CCT8: variants seen among roughly 807,000 people sequenced by gnomAD.
CCT8 encodes the protein chaperonin containing TCP1 subunit 8, also known as T-complex protein 1 subunit theta.
In CCT8, 10 loss-of-function variants were observed where a neutral mutation model predicts 65.7. That is an observed-to-expected ratio of 0.15 (90% CI 0.09 to 0.26). The LOEUF (loss-of-function observed/expected upper bound fraction) is 0.26, where lower values mean the gene tolerates loss of function less well. Among genes scored for constraint, CCT8 ranks in the 10% least tolerant of loss-of-function variants. CCT8 has a pLI of 1.00. For missense variants in CCT8, 568 were observed against 669.1 expected (o/e 0.85, Z 1.67); for synonymous variants, 199 against 221.8 (o/e 0.90, Z 0.92).
rs2085497905 is a variant in CCT8 at position 29,056,339 on chromosome 21, A to G, written c.*136T>C. 2 of 472,774 alleles carry G rather than the reference A, an allele frequency of 4.2e-6. No individual in the cohort carries two copies. Among genetic ancestry groups the G allele is most frequent in the East Asian group, 3.4e-5 (1 of 29,400 alleles). The allele number at this position is 472,774 out of a possible 1,614,324, so 29.3% of individuals were successfully genotyped here. On this transcript the variant is annotated 3_prime_UTR_variant, in exon 15 of 15. Transcript: ENST00000286788. The stretch of plus-strand genomic sequence containing the variant: ...AGACAATAAGGCTTTGACAGTAACA[A>G]TATGTTTATTATAACATCCAGCCAA...
chr21:29,060,466 C>G (rs2085550673), intron 14 of CCT8, 75 bp downstream of exon 14: 1 of 1,451,880 alleles, frequency 6.9e-7, no homozygotes, highest in Non-Finnish European at 9.6e-7. Context: ...ATGCTATGTT[C>G]TAGTTCTGGG....
At chr21:29,071,410 G>C (rs1294048589) in intron 1 of CCT8, among the ~76,000 whole-genome samples, 1 of 151,834 alleles carries the variant, frequency 6.6e-6, no homozygotes, top group Non-Finnish European at 1.5e-5. Context: ...GAGAGAGAGA[G>C]TCTCCTCTAT....
At chr21:29,070,442 G>A (rs1164161386) in intron 1 of CCT8, 105 bp from the exon 2 acceptor site, 3 of 613,184 alleles carry the variant, frequency 4.9e-6, no homozygotes, top group Admixed American at 6.6e-5. Flanking sequence ...TAATAAAGAG[G>A]GAGCATAGCT....
intron 14 of CCT8, among the ~76,000 whole-genome samples, chr21:29,057,443 G>T (rs899187909): frequency 6.6e-6 from 1 of 151,452 alleles, no homozygotes; most frequent in African/African-American, 2.4e-5. Flanking sequence ...GGGATTATAG[G>T]TGTGAGCCAC....
intron 1 of CCT8, chr21:29,072,296 AG>A (rs1202788930): frequency 8.6e-6 from 2 of 231,240 alleles, no homozygotes; most frequent in African/African-American, 4.5e-5. Context: ...TTTCTGCCTT[AG>A]AAGGACATAA....
At chr21:29,072,324 G>T (rs1381357561) in intron 1 of CCT8, 1 of 184,372 alleles carries the variant, frequency 5.4e-6, no homozygotes, top group Non-Finnish European at 1.1e-5. Context: ...CGACAAATGG[G>T]ACTTTTGTCT....
In CCT8 at chr21:29,064,409, T is replaced by TAAAAAAAAAAAAAAAAAAAAAAAAA. The variant is rs34760776; in HGVS notation, c.762+534_762+558dup. Among the ~76,000 whole-genome samples, 132 of 26,746 alleles carry TAAAAAAAAAAAAAAAAAAAAAAAAA rather than the reference T, an allele frequency of 4.9e-3. 5 individuals are homozygous for TAAAAAAAAAAAAAAAAAAAAAAAAA. Among genetic ancestry groups the TAAAAAAAAAAAAAAAAAAAAAAAAA allele is most frequent in the East Asian group, 7.0e-3 (5 of 710 alleles). The allele number at this position is 26,746 out of a possible 152,430, so 17.5% of individuals were successfully genotyped here. ...AAGCCTGGGTGACAAAGCAAGACTC[T>TAAAAAAAAAAAAAAAAAAAAAAAAA]AAAAAAAAAAAAAAAAAAAAAAAAA... On this transcript the variant is annotated intron_variant, in intron 7 of 14. Coordinates refer to ENST00000286788, the MANE Select transcript of CCT8 (RefSeq NM_006585.4).
Position 29,062,070 on chromosome 21 carries a change from T to A in CCT8, c.1212+58A>T. 3.5e-6 allele frequency: 4 copies of A among 1,146,870 alleles called. 1 individual carries two copies. In the South Asian group the frequency reaches 4.9e-5, roughly 14 times the overall value. 71.0% of individuals were successfully genotyped at this position (1,146,870 alleles called of 1,614,324 possible). ...TGCAAGAGTCTGCAAACTGTACTTT[T>A]AAGACCATACAAATTACTCAGACCT... On this transcript the variant is annotated intron_variant, in intron 11 of 14. Coordinates refer to ENST00000286788, the MANE Select transcript of CCT8 (RefSeq NM_006585.4).
At chr21:29,068,012 T>C (rs753024985) in intron 3 of CCT8, among the ~76,000 whole-genome samples, 3 of 152,172 alleles carry the variant, frequency 2.0e-5, no homozygotes, top group Non-Finnish European at 2.9e-5. Context: ...AAAAACAAAG[T>C]AATTACAACC....
At chr21:29,067,415 A>G in intron 4 of CCT8, 141 bp downstream of exon 4, 4 of 546,112 alleles carry the variant, frequency 7.3e-6, no homozygotes, top group Non-Finnish European at 1.2e-5. Flanking sequence ...CATGTGAAGC[A>G]TATGTACTAT....
At chr21:29,059,111 TG>T (rs1485098933) in intron 14 of CCT8, among the ~76,000 whole-genome samples, 1 of 152,244 alleles carries the variant, frequency 6.6e-6, no homozygotes, top group Non-Finnish European at 1.5e-5. Context: ...TCTCAGGTGA[TG>T]TTGATACTAT....
rs78904637 is a variant in CCT8, at chr21:29,066,913, G to C, written c.540C>G (p.Ala180=). The change falls in exon 5 of 15, where the codon GCC becomes GCG. Residue 180 remains alanine, a synonymous_variant. Coordinates refer to ENST00000286788, the MANE Select transcript of CCT8 (RefSeq NM_006585.4). ...SKQYGNEVFL[A]KLIAQACVSI... ...TACCGCATGCCTGAGCAATAAGCTT[G>C]GCCAGAAATACTTCATTACCATATT... 3.2e-4 allele frequency: 511 copies of C among 1,607,254 alleles called. 1 individual carries two copies. The East Asian group carries it at 9.4e-3, about 30-fold the overall frequency.
rs544519309 is a variant in CCT8 at position 29,065,955 on chromosome 21, C to A, written c.624+761G>T. Among the ~76,000 whole-genome samples, 159 of 151,856 alleles carry A rather than the reference C, an allele frequency of 1.0e-3. 1 individual carries two copies. The highest frequency in any genetic ancestry group is 0.01 in the Admixed American group (159 of 15,254). ...AAAATTAGCTGGACATGGTGGCATGCACCTGTAATCCAGCTACTTGGGAGG... is the reference window on the plus strand; with the variant it reads ...AAAATTAGCTGGACATGGTGGCATGAACCTGTAATCCAGCTACTTGGGAGG... On this transcript the variant is annotated intron_variant, in intron 6 of 14. Transcript: ENST00000286788.
At chr21:29,062,688 A>G in intron 8 of CCT8, 132 bp from the exon 9 acceptor site, 2 of 713,270 alleles carry the variant, frequency 2.8e-6, no homozygotes, top group South Asian at 1.8e-5. Flanking sequence ...AACTCAGAAC[A>G]TGTCTGGATT....
In CCT8 at chr21:29,071,392, T is replaced by G. The variant is rs186200741; in HGVS notation, c.61-1055A>C. Among the ~76,000 whole-genome samples the G allele has an allele frequency of 2.2e-4, 34 of 152,102 alleles. 1 individual carries two copies. The East Asian group carries it at 5.6e-3, about 25-fold the overall frequency. On this transcript the variant is annotated intron_variant, in intron 1 of 14. Transcript: ENST00000286788. ...AAACCAAGGTTAATAGCCATTACTC[T>G]TTTTTGAGAGAGAGAGAGTCTCCTC...
chr21:29,064,169 C>T (rs1423198579), intron 7 of CCT8, among the ~76,000 whole-genome samples: 1 of 151,744 alleles, frequency 6.6e-6, no homozygotes, highest in Non-Finnish European at 1.5e-5. Context: ...CAAACTTTTT[C>T]TAAAATGTGG....
chr21:29,065,212 T>C (rs2085608465), intron 6 of CCT8, 107 bp from the exon 7 acceptor site: 5 of 1,194,252 alleles, frequency 4.2e-6, no homozygotes, highest in Admixed American at 1.9e-5. Flanking sequence ...AATAAAGTCA[T>C]AAACCAAGGC....
chr21:29,069,355 T>A (rs1436304929), intron 3 of CCT8, 68 bp downstream of exon 3: 1 of 822,066 alleles, frequency 1.2e-6, no homozygotes, highest in Non-Finnish European at 2.0e-6. Flanking sequence ...AGAGATTTCT[T>A]CTAGTTAAAA....
intron 1 of CCT8, 125 bp downstream of exon 1, chr21:29,073,406 T>G: frequency 6.5e-7 from 1 of 1,526,982 alleles, no homozygotes; most frequent in Non-Finnish European, 8.8e-7. Context: ...TTCTGGAATC[T>G]TCTCTTCCCC....
Sources: allele counts gnomAD v4.1 joint callset (sites outside exome capture counted in the v4.1 genomes callset), GRCh38; gene constraint gnomAD v4.1.1; transcripts MANE v1.5; gene names NCBI Gene and HGNC (gene_info 2026-07-23, HGNC 2026-07-21).